Variants in FBLN7 observed in about 807,000 individuals in gnomAD.
FBLN7 encodes fibulin-7.
In FBLN7, 31 loss-of-function variants were observed where a neutral mutation model predicts 44.0. The ratio of observed to expected loss-of-function variants is 0.70; its 90% CI spans 0.53 to 0.95. FBLN7 has a LOEUF of 0.95. Among genes scored for constraint, FBLN7 ranks in the 40% least tolerant of loss-of-function variants. The pLI, the probability that FBLN7 is intolerant of heterozygous loss-of-function variation, is 0.00. For missense variants in FBLN7, 573 were observed against 618.5 expected (o/e 0.93, Z 0.78); for synonymous variants, 262 against 253.4 (o/e 1.03, Z -0.32).
chr2:112,167,638 T>C (rs1390280570), intron 3 of FBLN7, among the ~76,000 whole-genome samples: 1 of 152,224 alleles, frequency 6.6e-6, no homozygotes, highest in Non-Finnish European at 1.5e-5. Flanking sequence ...GGAACTTTTA[T>C]AGATGAGACC....
chr2:112,224,241 G>A, the FBLN7 span, among the ~76,000 whole-genome samples: 1 of 152,138 alleles, frequency 6.6e-6, no homozygotes, highest in Non-Finnish European at 1.5e-5. Flanking sequence ...GGGTGGTTTA[G>A]TATTTTTAAA....
chr2:112,206,541 C>T, the FBLN7 span, among the ~76,000 whole-genome samples: 2 of 152,094 alleles, frequency 1.3e-5, no homozygotes, highest in East Asian at 3.8e-4. Flanking sequence ...TGTGCCTCAG[C>T]CTCCCAAGTA....
chr2:112,226,355 G>A, the FBLN7 span, among the ~76,000 whole-genome samples: 9 of 152,010 alleles, frequency 5.9e-5, no homozygotes, highest in Non-Finnish European at 1.3e-4. Flanking sequence ...TTGGGAGGCT[G>A]AGGCGGGCAG....
the FBLN7 span, among the ~76,000 whole-genome samples, chr2:112,196,269 C>G: frequency 5.9e-4 from 89 of 152,044 alleles, no homozygotes; most frequent in Non-Finnish European, 1.1e-3. Flanking sequence ...GACAAGATCC[C>G]TCTATCATTG....
At chr2:112,148,437 G>C (rs1299443648) in intron 1 of FBLN7, among the ~76,000 whole-genome samples, 1 of 152,210 alleles carries the variant, frequency 6.6e-6, no homozygotes, top group Non-Finnish European at 1.5e-5. Flanking sequence ...TCTAAAATGA[G>C]GTATTTCATA....
chr2:112,236,679 AT>A, the FBLN7 span: 1 of 1,610,740 alleles, frequency 6.2e-7, no homozygotes, highest in Non-Finnish European at 8.5e-7. Context: ...TAAGATTTTT[AT>A]TTTTTTGTTT....
chr2:112,155,784 G>A (rs1681382549), intron 1 of FBLN7, among the ~76,000 whole-genome samples: 2 of 152,212 alleles, frequency 1.3e-5, no homozygotes, highest in South Asian at 2.1e-4. Flanking sequence ...AGCAGCACTG[G>A]GGTTAGAAAT....
At chr2:112,182,745 C>T in intron 5 of FBLN7, 46 bp from the exon 6 acceptor site, 20 of 1,546,006 alleles carry the variant, frequency 1.3e-5, no homozygotes, top group Non-Finnish European at 1.7e-5. Flanking sequence ...GCTGGCAACA[C>T]TTGCTGCATG....
the FBLN7 span, among the ~76,000 whole-genome samples, chr2:112,230,144 T>C: frequency 6.6e-6 from 1 of 152,224 alleles, no homozygotes; most frequent in African/African-American, 2.4e-5. Flanking sequence ...GAAAAGATGC[T>C]GCACTTCATG....
chr2:112,185,634 G>A (rs1371825423), intron 7 of FBLN7, among the ~76,000 whole-genome samples: 1 of 152,174 alleles, frequency 6.6e-6, no homozygotes, highest in Non-Finnish European at 1.5e-5. Flanking sequence ...GCCAGGGCAG[G>A]CACTGAAGGG....
chr2:112,159,612 C>T (rs1681617292), intron 1 of FBLN7, 64 bp from the exon 2 acceptor site: 2 of 1,419,480 alleles, frequency 1.4e-6, no homozygotes, highest in Non-Finnish European at 1.9e-6. Flanking sequence ...TTCGGAAGCT[C>T]AGACAAGCAT....
Position 112,187,692 on chromosome 2 carries a change from A to C in FBLN7, c.*186A>C. On this transcript the variant is annotated 3_prime_UTR_variant, in exon 8 of 8. Coordinates refer to ENST00000331203, the MANE Select transcript of FBLN7 (RefSeq NM_153214.3). This position sits in a 1 kb window ranked among gnomAD's most constrained non-coding sequence, Gnocchi z 5.1. ...CACGGAAGAGCAGCCACAAAACTCA[A>C]CTGCTGCCATCACTCTTTTTTTTTT... 8.9e-6 allele frequency: 6 copies of C among 673,150 alleles called. No homozygotes were observed. Among genetic ancestry groups the C allele is most frequent in the Non-Finnish European group, 1.5e-5 (6 of 413,066 alleles). 41.7% of individuals were successfully genotyped at this position (673,150 alleles called of 1,614,324 possible). A position where few individuals can be genotyped will look rare whatever the true frequency, so the allele number is the denominator to read the frequency against.
chr2:112,167,774 T>C (rs1403717725), intron 3 of FBLN7, among the ~76,000 whole-genome samples: 1 of 152,186 alleles, frequency 6.6e-6, no homozygotes, highest in African/African-American at 2.4e-5. Flanking sequence ...TTTGAAGTGC[T>C]AATGCATTTT....
At chr2:112,179,608 G>A (rs766274139) in intron 4 of FBLN7, among the ~76,000 whole-genome samples, 4 of 152,198 alleles carry the variant, frequency 2.6e-5, no homozygotes, top group Non-Finnish European at 4.4e-5. Context: ...CAAGGCTACA[G>A]TGACCAAAAC....
the FBLN7 span, among the ~76,000 whole-genome samples, chr2:112,242,729 A>G: frequency 6.6e-6 from 1 of 152,240 alleles, no homozygotes; most frequent in Non-Finnish European, 1.5e-5. Context: ...TCACCACAAT[A>G]TTCCCAACTC....
At chr2:112,158,834 C>G (rs185149929) in intron 1 of FBLN7, among the ~76,000 whole-genome samples, 2 of 152,120 alleles carry the variant, frequency 1.3e-5, no homozygotes, top group Non-Finnish European at 2.9e-5. Flanking sequence ...CTTGACCACC[C>G]AAAGTGCTGG....
intron 1 of FBLN7, among the ~76,000 whole-genome samples, chr2:112,142,201 A>C (rs139032904): frequency 6.6e-6 from 1 of 152,268 alleles, no homozygotes; most frequent in Non-Finnish European, 1.5e-5. Context: ...AACAAGCATT[A>C]CCTGACTCCT....
intron 1 of FBLN7, among the ~76,000 whole-genome samples, chr2:112,149,997 A>C (rs200722284): frequency 6.6e-6 from 1 of 152,292 alleles, no homozygotes; most frequent in East Asian, 1.9e-4. Context: ...GAGACATGAC[A>C]GTTGTTCACA....
chr2:112,233,971 A>G, the FBLN7 span: 1 of 509,124 alleles, frequency 2.0e-6, no homozygotes, highest in Non-Finnish European at 3.3e-6. Context: ...TACTTTTTTA[A>G]ACATAAAAGA....
Sources: allele counts gnomAD v4.1 joint callset (sites outside exome capture counted in the v4.1 genomes callset), GRCh38; gene constraint gnomAD v4.1.1; non-coding constraint Gnocchi (gnomAD v3.1); transcripts MANE v1.5; gene names NCBI Gene and HGNC (gene_info 2026-07-23, HGNC 2026-07-21).